The following USPL1 variants were observed in gnomAD, a reference collection of about 807,000 sequenced individuals.
The protein encoded by USPL1 is SUMO-specific isopeptidase USPL1.
Under a neutral mutation model 51.5 loss-of-function variants are expected in USPL1, and 27 were observed. The observed-to-expected ratio is 0.52, with a 90% CI of 0.39 to 0.72. USPL1 has a LOEUF of 0.72. Among genes scored for constraint, USPL1 ranks in the 30% least tolerant of loss-of-function variants. The pLI is 0.00. For synonymous variants in USPL1, 451 were observed against 459.6 expected, an observed-to-expected ratio of 0.98 and a Z score of 0.24; for missense variants, 1,226 against 1,268.0, an observed-to-expected ratio of 0.97 and a Z score of 0.50.
At chr13:30,651,021 T>G (rs1951084998) in intron 7 of USPL1, among the ~76,000 whole-genome samples, 1 of 151,762 alleles carries the variant, frequency 6.6e-6, no homozygotes, top group Non-Finnish European at 1.5e-5. Flanking sequence ...AAAAAAAAAT[T>G]TCATAGTTAC....
intron 3 of USPL1, among the ~76,000 whole-genome samples, chr13:30,627,790 A>G (rs1025381364): frequency 7.9e-5 from 12 of 152,094 alleles, no homozygotes; most frequent in African/African-American, 2.4e-4. Flanking sequence ...AACTTTTTTC[A>G]TCTTGCAAAA....
In USPL1 at chr13:30,653,383, G is replaced by GTTT. The variant is rs2137714037; in HGVS notation, c.1396+80_1396+82dup. ...AGCATGTGGGGACTTTTTGGTTTTTGTTTTATAAAAAAAGACAAACTTTGT... is the reference window on the plus strand; with the variant it reads ...AGCATGTGGGGACTTTTTGGTTTTTGTTTTTTTATAAAAAAAGACAAACTTTGT... On this transcript the variant is annotated intron_variant, in intron 8 of 8. Coordinates refer to ENST00000255304, the MANE Select transcript of USPL1 (RefSeq NM_005800.5). 8 of 1,407,780 alleles carry GTTT rather than the reference G, an allele frequency of 5.7e-6. No homozygotes were observed. In the South Asian group the frequency reaches 1.2e-4, roughly 21 times the overall value. The allele number at this position is 1,407,780 out of a possible 1,614,324, so 87.2% of individuals were successfully genotyped here. A position where few individuals can be genotyped will look rare whatever the true frequency, so the allele number is the denominator to read the frequency against.
intron 3 of USPL1, among the ~76,000 whole-genome samples, chr13:30,627,350 C>A (rs1950731021): frequency 6.6e-6 from 1 of 151,934 alleles, no homozygotes; most frequent in Non-Finnish European, 1.5e-5. Context: ...AATCTGAAAT[C>A]ATTAATTTAT....
chr13:30,655,372 C>G (rs920423044), intron 8 of USPL1, among the ~76,000 whole-genome samples: 9 of 152,156 alleles, frequency 5.9e-5, no homozygotes, highest in Non-Finnish European at 8.8e-5. Context: ...CATTAACCAG[C>G]CTGTTGGCAA....
At chr13:30,622,101 G>A (rs991344345) in intron 3 of USPL1, among the ~76,000 whole-genome samples, 4 of 151,788 alleles carry the variant, frequency 2.6e-5, no homozygotes, top group African/African-American at 9.7e-5. Flanking sequence ...ATTGCCATTT[G>A]ATTTGCGAGA....
At chr13:30,626,123 C>G (rs1485940178) in intron 3 of USPL1, among the ~76,000 whole-genome samples, 1 of 152,194 alleles carries the variant, frequency 6.6e-6, no homozygotes, top group South Asian at 2.1e-4. Flanking sequence ...CGAGACCAGC[C>G]TGGCCAACAT....
rs563475817 is a variant in USPL1 at position 30,659,602 on chromosome 13, T to C, written c.*246T>C. 5.4e-6 allele frequency: 2 copies of C among 372,388 alleles called. No homozygotes were observed. The highest frequency in any genetic ancestry group is 9.4e-6 in the Non-Finnish European group (2 of 212,140). The allele number at this position is 372,388 out of a possible 1,614,324, so 23.1% of individuals were successfully genotyped here. The stretch of plus-strand genomic sequence containing the variant: ...GTGAGAGTATGAGGATTTCAAAATG[T>C]TAAAGATGAAAAGTGGCGTCTAGTT... On this transcript the variant is annotated 3_prime_UTR_variant, in exon 9 of 9. Coordinates refer to ENST00000255304, the MANE Select transcript of USPL1 (RefSeq NM_005800.5).
Position 30,653,281 on chromosome 13 carries a change from A to G in USPL1, c.1372A>G (p.Ile458Val), listed in dbSNP as rs753845284. 6.2e-7 allele frequency: 1 copy of G among 1,604,354 alleles called. No homozygotes were observed. Among genetic ancestry groups the G allele is most frequent in the South Asian group, 1.1e-5 (1 of 90,046 alleles). Reference protein sequence around the residue: ...VIQYRANNHFITWILDADGSW... With the variant: ...VIQYRANNHFVTWILDADGSW... ...TCAGTATCGAGCAAATAATCATTTT[A>G]TAACATGGATTTTAGATGCTGATGG... Residue 458 changes from isoleucine to valine, a missense_variant, in exon 8 of 9, where the codon ATA becomes GTA. Ile to Val is a conservative substitution (Grantham distance 29). Transcript: ENST00000255304.
At chr13:30,626,398 A>T (rs539379893) in intron 3 of USPL1, among the ~76,000 whole-genome samples, 6 of 152,348 alleles carry the variant, frequency 3.9e-5, no homozygotes, top group Admixed American at 6.5e-5. Context: ...ATGAAATTCA[A>T]ATTTCAGTGT....
At chr13:30,654,969 G>C (rs960578132) in intron 8 of USPL1, among the ~76,000 whole-genome samples, 8 of 147,068 alleles carry the variant, frequency 5.4e-5, no homozygotes, top group African/African-American at 2.0e-4. Context: ...ATGGAGTTTT[G>C]CTCTTGTTGC....
chr13:30,659,086 C>G lies in USPL1; in HGVS notation c.3009C>G (p.Ile1003Met). ...FRYLGMGDSH[I>M]PPPVPSEFND... ...ATTTGGGAATGGGAGATAGTCATAT[C>G]CCACCACCAGTACCAAGTGAATTCA... Residue 1003 changes from isoleucine (I) to methionine (M), a missense_variant, in exon 9 of 9, where the codon ATC becomes ATG. Transcript: ENST00000255304. The G allele has an allele frequency of 6.2e-7, 1 of 1,614,098 alleles. No individual in the cohort carries two copies. Among genetic ancestry groups the G allele is most frequent in the Non-Finnish European group, 8.5e-7 (1 of 1,180,026 alleles).
chr13:30,633,125 T>G (rs1020667506), intron 4 of USPL1, among the ~76,000 whole-genome samples: 2 of 152,216 alleles, frequency 1.3e-5, no homozygotes, highest in African/African-American at 4.8e-5. Flanking sequence ...GTACTTTTCT[T>G]GGTTTCATTT....
At chr13:30,619,957 C>T (rs900972220) in intron 1 of USPL1, among the ~76,000 whole-genome samples, 2 of 152,160 alleles carry the variant, frequency 1.3e-5, no homozygotes, top group Non-Finnish European at 2.9e-5. Flanking sequence ...TGCTAAACAT[C>T]GTCAGTGCAT....
At chr13:30,656,185 C>T (rs1052173474) in intron 8 of USPL1, among the ~76,000 whole-genome samples, 2 of 152,304 alleles carry the variant, frequency 1.3e-5, no homozygotes, top group East Asian at 3.8e-4. Context: ...CTTTACTTCT[C>T]AGCCGTACTT....
intron 1 of USPL1, among the ~76,000 whole-genome samples, chr13:30,620,125 G>C (rs1950628738): frequency 6.6e-6 from 1 of 152,188 alleles, no homozygotes; most frequent in African/African-American, 2.4e-5. Context: ...TCCTTGGCTT[G>C]AAAGGTTTGT....
intron 3 of USPL1, among the ~76,000 whole-genome samples, chr13:30,623,330 G>A (rs1370702264): frequency 6.6e-6 from 1 of 152,048 alleles, no homozygotes; most frequent in African/African-American, 2.4e-5. Flanking sequence ...GGACCAAGTA[G>A]GGTCTTATAA....
At chr13:30,639,416 G>C (rs933136431) in intron 5 of USPL1, among the ~76,000 whole-genome samples, 1 of 151,636 alleles carries the variant, frequency 6.6e-6, no homozygotes, top group African/African-American at 2.4e-5. Context: ...TTGTATATCT[G>C]CTTTATTTTT....
chr13:30,641,886 T>C (rs188678836), intron 5 of USPL1, among the ~76,000 whole-genome samples: 224 of 152,176 alleles, frequency 1.5e-3, no homozygotes, highest in Middle Eastern at 6.8e-3. Context: ...TTTTAACATC[T>C]GTAGCAAACC....
chr13:30,635,277 A>G (rs1950860356), intron 4 of USPL1, among the ~76,000 whole-genome samples: 2 of 152,246 alleles, frequency 1.3e-5, no homozygotes, highest in South Asian at 2.1e-4. Context: ...CTGAAAAGTT[A>G]TAAAGTTTTG....
Sources: gnomAD v4.1 joint callset for allele counts (sites outside exome capture counted in the v4.1 genomes callset) on GRCh38, gnomAD v4.1.1 for gene constraint, MANE v1.5 for transcripts, NCBI Gene and HGNC (gene_info 2026-07-23, HGNC 2026-07-21) for gene names.